The following RNF4 variants were observed in gnomAD, a reference collection of about 807,000 sequenced individuals.
The protein encoded by RNF4 is E3 ubiquitin-protein ligase RNF4.
Under a neutral mutation model 24.3 loss-of-function variants are expected in RNF4, and 7 were observed. The ratio of observed to expected loss-of-function variants is 0.29; its 90% confidence interval spans 0.16 to 0.54. The LOEUF is 0.54. Among genes scored for constraint, RNF4 ranks in the 20% least tolerant of loss-of-function variants. The probability of loss-of-function intolerance (pLI) is 0.95; values close to 1 mark genes in which losing one functional copy is unlikely to be tolerated. For missense variants in RNF4, 209 were observed against 248.5 expected (o/e 0.84, Z 1.07); for synonymous variants, 83 against 84.3 (o/e 0.98, Z 0.09).
chr4:2,479,895 C>T (rs550925654), intron 1 of RNF4: 2 of 151,998 alleles, frequency 1.3e-5, no homozygotes, highest in African/African-American at 2.4e-5. Flanking sequence ...TCAAGGTATC[C>T]GCCATCTCTT....
intron 4 of RNF4, among the ~76,000 whole-genome samples, chr4:2,503,742 G>A (rs897505741): frequency 1.1e-4 from 16 of 152,258 alleles, no homozygotes; most frequent in African/African-American, 3.4e-4. Flanking sequence ...TGTTCAGGGT[G>A]ACCCTAGGCT....
At chr4:2,472,146 C>G (rs1014853165) in intron 1 of RNF4, among the ~76,000 whole-genome samples, 11 of 152,158 alleles carry the variant, frequency 7.2e-5, no homozygotes, top group Non-Finnish European at 1.5e-4. Context: ...TAAGTTGTAA[C>G]TAGTGCTCAT....
chr4:2,471,262 C>T (rs1734899675), intron 1 of RNF4, among the ~76,000 whole-genome samples: 1 of 152,190 alleles, frequency 6.6e-6, no homozygotes, highest in African/African-American at 2.4e-5. Flanking sequence ...CCACCATGCC[C>T]AGCCCCAAAC....
In RNF4 at chr4:2,503,996, C is replaced by A. The variant is rs138598435; in HGVS notation, c.204+3258C>A. ...ACTGGGAAGGCTGAGCAAGGAGGAT[C>A]ACTTGAACTCAGGAGTTCAAGGCAA... On this transcript the variant is annotated intron_variant, in intron 4 of 7. Coordinates refer to ENST00000314289, the MANE Select transcript of RNF4 (RefSeq NM_002938.5). Among the ~76,000 whole-genome samples, 1,228 of 152,184 alleles carry A rather than the reference C, an allele frequency of 8.1e-3. 20 individuals carry two copies. The highest frequency in any genetic ancestry group is 0.013 in the Non-Finnish European group (897 of 67,994).
chr4:2,500,792 G>A (rs1316885682), intron 4 of RNF4, 54 bp downstream of exon 4: 4 of 1,554,024 alleles, frequency 2.6e-6, no homozygotes, highest in Non-Finnish European at 2.7e-6. Flanking sequence ...TCCCTGGCCA[G>A]TGCCAGCATC....
At chr4:2,488,414 C>A (rs1735477622) in intron 1 of RNF4, among the ~76,000 whole-genome samples, 1 of 152,126 alleles carries the variant, frequency 6.6e-6, no homozygotes, top group African/African-American at 2.4e-5. Context: ...AGTGAGCCCA[C>A]TGCACTCCAG....
intron 1 of RNF4, among the ~76,000 whole-genome samples, chr4:2,485,002 C>T (rs1735363599): frequency 1.3e-5 from 2 of 152,164 alleles, no homozygotes; most frequent in Admixed American, 1.3e-4. Flanking sequence ...GAACCCTCGG[C>T]ACCTTTGTTG....
At chr4:2,472,332 T>G (rs957516960) in intron 1 of RNF4, among the ~76,000 whole-genome samples, 2 of 152,240 alleles carry the variant, frequency 1.3e-5, no homozygotes, top group Non-Finnish European at 2.9e-5. Flanking sequence ...TTCAAAATAT[T>G]ACTGCTCATT....
intron 4 of RNF4, among the ~76,000 whole-genome samples, chr4:2,504,495 G>A (rs1186732499): frequency 1.3e-5 from 2 of 151,426 alleles, no homozygotes; most frequent in East Asian, 1.9e-4. Context: ...TTTGTGAAGT[G>A]CCTGTTTAAA....
intron 4 of RNF4, among the ~76,000 whole-genome samples, chr4:2,504,644 G>T (rs1367468601): frequency 6.6e-6 from 1 of 150,408 alleles, no homozygotes; most frequent in Non-Finnish European, 1.5e-5. Context: ...TCTGCCTCCT[G>T]GGTTCACGCC....
intron 3 of RNF4, among the ~76,000 whole-genome samples, chr4:2,498,989 G>C (rs1312031530): frequency 6.6e-6 from 1 of 152,190 alleles, no homozygotes; most frequent in Non-Finnish European, 1.5e-5. Context: ...CTGAGGTCAG[G>C]AGTTCAAGAC....
At chr4:2,513,553 T>C in intron 7 of RNF4, 117 bp from the exon 8 acceptor site, 2 of 1,226,020 alleles carry the variant, frequency 1.6e-6, no homozygotes, top group South Asian at 1.4e-5. Context: ...TGTTGTAGCC[T>C]GGCCCTTGCT....
At chr4:2,497,966 A>G (rs962025998) in intron 3 of RNF4, among the ~76,000 whole-genome samples, 1 of 152,146 alleles carries the variant, frequency 6.6e-6, no homozygotes, top group East Asian at 1.9e-4. Context: ...GAAGAAACTT[A>G]GTGCAAGATA....
In RNF4 at chr4:2,514,610, G is replaced by A. The variant is rs1376501163; in HGVS notation, c.*791G>A. The A allele has an allele frequency of 6.6e-6, 1 of 152,648 alleles. No homozygotes were observed. The highest frequency in any genetic ancestry group is 6.6e-5 in the Admixed American group (1 of 15,252). 9.5% of individuals were successfully genotyped at this position (152,648 alleles called of 1,614,324 possible). A position where few individuals can be genotyped will look rare whatever the true frequency, so the allele number is the denominator to read the frequency against. The stretch of plus-strand genomic sequence containing the variant: ...CTCCAGCGTCCTTCACCTGGCACAG[G>A]ACATGCAAGATAAATAGGGCAGGCA... On this transcript the variant is annotated 3_prime_UTR_variant, in exon 8 of 8. Transcript: ENST00000314289.
At chr4:2,485,037 A>G (rs1449958348) in intron 1 of RNF4, among the ~76,000 whole-genome samples, 1 of 152,080 alleles carries the variant, frequency 6.6e-6, no homozygotes, top group African/African-American at 2.4e-5. Flanking sequence ...CTCGTGTGGG[A>G]CATCCCTGCT....
At chr4:2,508,592 T>G (rs201448316) in intron 4 of RNF4, among the ~76,000 whole-genome samples, 2 of 152,206 alleles carry the variant, frequency 1.3e-5, no homozygotes, top group East Asian at 3.9e-4. Flanking sequence ...TTGTTTTGTT[T>G]TGTTTTGTTT....
intron 1 of RNF4, among the ~76,000 whole-genome samples, chr4:2,488,806 T>G (rs1263475573): frequency 6.7e-6 from 1 of 148,750 alleles, no homozygotes; most frequent in Non-Finnish European, 1.5e-5. Flanking sequence ...GGATTTTATT[T>G]TCATTTTTTA....
At chr4:2,507,853 T>A (rs1347802776) in intron 4 of RNF4, among the ~76,000 whole-genome samples, 3 of 152,142 alleles carry the variant, frequency 2.0e-5, no homozygotes, top group Non-Finnish European at 2.9e-5. Flanking sequence ...TTTTTCTTTT[T>A]TTTTTTCTTT....
At position 2,500,619 on chromosome 4, in the gene RNF4, C is replaced by T. The variant is rs758465982; in HGVS notation, c.125-40C>T. The T allele has an allele frequency of 3.1e-6, 5 of 1,601,716 alleles. No individual in the cohort carries two copies. In the Admixed American group the frequency reaches 8.5e-5, roughly 27 times the overall value. ...TGTAGAGGGATACAACCTTACTTTC[C>T]TCTTAATCTTAATGCTTGTTGAAAT... On this transcript the variant is annotated intron_variant, in intron 3 of 7. Coordinates refer to ENST00000314289, the MANE Select transcript of RNF4 (RefSeq NM_002938.5).
Sources: gnomAD v4.1 joint callset for allele counts (sites outside exome capture counted in the v4.1 genomes callset) on GRCh38, gnomAD v4.1.1 for gene constraint, MANE v1.5 for transcripts, NCBI Gene and HGNC (gene_info 2026-07-23, HGNC 2026-07-21) for gene names.